STXBP5: variants seen among roughly 807,000 people sequenced by gnomAD.
STXBP5 encodes the protein syntaxin-binding protein 5.
A neutral mutation model predicts 152.4 loss-of-function variants in STXBP5; 50 were observed. The ratio of observed to expected loss-of-function variants is 0.33; its 90% CI spans 0.26 to 0.42. STXBP5 has a LOEUF of 0.42. STXBP5 is among the 10% of genes least tolerant of loss of function. The pLI is 1.00. For missense variants in STXBP5, 1,167 were observed against 1,388.6 expected, an observed-to-expected ratio of 0.84 and a Z score of 2.54; for synonymous variants, 492 against 494.7, an observed-to-expected ratio of 0.99 and a Z score of 0.07.
chr6:147,299,610 C>T (rs559580598), intron 9 of STXBP5, among the ~76,000 whole-genome samples: 3 of 152,054 alleles, frequency 2.0e-5, no homozygotes, highest in Admixed American at 6.6e-5. Flanking sequence ...ACCCTGATAC[C>T]AAAACCCAGT....
chr6:147,307,920 C>G (rs990286172), intron 9 of STXBP5, among the ~76,000 whole-genome samples: 2 of 152,156 alleles, frequency 1.3e-5, no homozygotes, highest in African/African-American at 4.8e-5. Flanking sequence ...TGGTCACCTA[C>G]CCGGTTTGAT....
chr6:147,362,250 G>A (rs1785101410), intron 23 of STXBP5, among the ~76,000 whole-genome samples: 2 of 152,096 alleles, frequency 1.3e-5, no homozygotes, highest in Admixed American at 1.3e-4. Flanking sequence ...GAAAACATCA[G>A]GAACTCTTTT....
chr6:147,346,333 C>T lies in STXBP5; in HGVS notation c.2254+6949C>T, dbSNP rs530696477. On this transcript the variant is annotated intron_variant, in intron 21 of 27. Coordinates refer to ENST00000321680, the MANE Select transcript of STXBP5 (RefSeq NM_001127715.4). ...TGTACAGAGTACAAGCCAGGAGGAC[C>T]GACTGACTAGAGGTTCTCCAGAGAT... Among the ~76,000 whole-genome samples the T allele has an allele frequency of 2.0e-5, 3 of 152,200 alleles. No individual in the cohort carries two copies. The South Asian group carries it at 6.2e-4, about 32-fold the overall frequency.
chr6:147,371,278 T>C (rs1785528084), intron 25 of STXBP5, among the ~76,000 whole-genome samples: 1 of 152,068 alleles, frequency 6.6e-6, no homozygotes, highest in South Asian at 2.1e-4. Context: ...AATACCTATA[T>C]ATTTTATGTA....
At chr6:147,250,873 T>C (rs960165805) in intron 4 of STXBP5, among the ~76,000 whole-genome samples, 1 of 148,984 alleles carries the variant, frequency 6.7e-6, no homozygotes, top group Non-Finnish European at 1.5e-5. Context: ...ATAAATGCTT[T>C]AGGAGAATCG....
At chr6:147,368,124 C>T (rs181155079) in intron 25 of STXBP5, among the ~76,000 whole-genome samples, 18 of 152,174 alleles carry the variant, frequency 1.2e-4, no homozygotes, top group Non-Finnish European at 2.2e-4. Context: ...TTTCCAAAAA[C>T]TGAATTAGGA....
intron 26 of STXBP5, among the ~76,000 whole-genome samples, chr6:147,381,728 C>T (rs975261374): frequency 6.6e-6 from 1 of 152,130 alleles, no homozygotes; most frequent in Non-Finnish European, 1.5e-5. Context: ...CTGATGCATG[C>T]TACAACATCA....
intron 4 of STXBP5, among the ~76,000 whole-genome samples, chr6:147,251,781 A>G (rs913523663): frequency 2.6e-5 from 4 of 152,156 alleles, no homozygotes; most frequent in Non-Finnish European, 5.9e-5. Flanking sequence ...CCTGACCCCC[A>G]TGTATCCTTA....
intron 26 of STXBP5, among the ~76,000 whole-genome samples, chr6:147,381,184 A>C (rs1279469832): frequency 6.6e-6 from 1 of 152,134 alleles, no homozygotes; most frequent in African/African-American, 2.4e-5. Context: ...GCTACAATTC[A>C]AGATGAGATT....
At chr6:147,375,775 AAG>A (rs1346675895) in intron 26 of STXBP5, among the ~76,000 whole-genome samples, 7 of 151,942 alleles carry the variant, frequency 4.6e-5, no homozygotes, top group Non-Finnish European at 1.0e-4. Flanking sequence ...ACCAGAGACA[AAG>A]AGAAAATCTT....
chr6:147,204,676 C>G lies in STXBP5; in HGVS notation c.144C>G (p.Leu48=), dbSNP rs767340630. 1.3e-5 allele frequency: 20 copies of G among 1,588,236 alleles called. No homozygotes were observed. In the South Asian group the frequency reaches 1.5e-4, roughly 12 times the overall value. Reference sequence around the variant, plus strand: ...CGCTCCAGTCCGAGCACTTTCAGCTCTGCAAGGTGAACGGAGCGCGCAGCC... The same window carrying G: ...CGCTCCAGTCCGAGCACTTTCAGCTGTGCAAGGTGAACGGAGCGCGCAGCC... ...QETLQSEHFQ[L]CKTVRHGFPY... Residue 48 remains leucine (L), a synonymous_variant, in exon 1 of 28, where the codon CTC becomes CTG. Coordinates refer to ENST00000321680, the MANE Select transcript of STXBP5 (RefSeq NM_001127715.4). The surrounding 1 kb of genome is among the most constrained non-coding windows in gnomAD (Gnocchi z 4.3).
intron 18 of STXBP5, among the ~76,000 whole-genome samples, chr6:147,333,069 G>C (rs1783657387): frequency 6.6e-6 from 1 of 152,098 alleles, no homozygotes; most frequent in South Asian, 2.1e-4. Context: ...CTACTGTTTA[G>C]AGATCCTCTT....
At chr6:147,218,268 A>C (rs1324368343) in intron 2 of STXBP5, among the ~76,000 whole-genome samples, 2 of 152,118 alleles carry the variant, frequency 1.3e-5, no homozygotes, top group Non-Finnish European at 2.9e-5. Context: ...ATATAATTAC[A>C]TGTCTTTCAT....
intron 23 of STXBP5, among the ~76,000 whole-genome samples, chr6:147,362,137 C>T (rs1785094825): frequency 6.6e-6 from 1 of 151,964 alleles, no homozygotes; most frequent in African/African-American, 2.4e-5. Flanking sequence ...ATCTGAAATT[C>T]AAATTGAAAT....
chr6:147,344,570 T>G (rs1004182213), intron 21 of STXBP5, among the ~76,000 whole-genome samples: 2 of 152,238 alleles, frequency 1.3e-5, no homozygotes, highest in Admixed American at 6.5e-5. Flanking sequence ...TGCAGACAGC[T>G]GCATTCTCAT....
chr6:147,317,215 C>T (rs1782689267), intron 16 of STXBP5, among the ~76,000 whole-genome samples: 1 of 152,070 alleles, frequency 6.6e-6, no homozygotes, highest in Admixed American at 6.6e-5. Flanking sequence ...CCAGGCTTTG[C>T]ACTATTTTAC....
At chr6:147,298,994 T>C (rs1169351960) in intron 9 of STXBP5, among the ~76,000 whole-genome samples, 1 of 151,792 alleles carries the variant, frequency 6.6e-6, no homozygotes, top group Non-Finnish European at 1.5e-5. Flanking sequence ...ATATACAAAA[T>C]AGAGACTAAA....
chr6:147,210,050 A>C (rs1776769725), intron 2 of STXBP5, among the ~76,000 whole-genome samples: 1 of 152,170 alleles, frequency 6.6e-6, no homozygotes, highest in Non-Finnish European at 1.5e-5. Context: ...TGATTAGTGG[A>C]GTAGTGGTAT....
chr6:147,319,079 A>G lies in STXBP5; in HGVS notation c.1802+2672A>G, dbSNP rs536386920. Among the ~76,000 whole-genome samples the G allele has an allele frequency of 3.9e-5, 6 of 152,280 alleles. No individual in the cohort carries two copies. The South Asian group carries it at 1.0e-3, about 26-fold the overall frequency. On this transcript the variant is annotated intron_variant, in intron 16 of 27. Transcript: ENST00000321680. ...GAATACTACTTGCCCTCACAGGGTA[A>G]CAGACCAAAATATGATCTTTAGAAA...
Sources: gnomAD v4.1 joint callset for allele counts (sites outside exome capture counted in the v4.1 genomes callset) on GRCh38, gnomAD v4.1.1 for gene constraint, Gnocchi (gnomAD v3.1) non-coding constraint, MANE v1.5 for transcripts, NCBI Gene and HGNC (gene_info 2026-07-23, HGNC 2026-07-21) for gene names.